Variants in PRKN observed in about 807,000 individuals in gnomAD.
The protein encoded by PRKN is E3 ubiquitin-protein ligase parkin.
Under a neutral mutation model 59.5 loss-of-function variants are expected in PRKN, and 56 were observed. The observed-to-expected ratio is 0.94, with a 90% CI of 0.76 to 1.18. The LOEUF is 1.18. Among genes scored for constraint, PRKN ranks in the 50% most tolerant of loss-of-function variants. The pLI is 0.00. For missense variants in PRKN, 657 were observed against 596.4 expected (o/e 1.10, Z -1.06); for synonymous variants, 250 against 222.1 (o/e 1.13, Z -1.12).
intron 7 of PRKN, among the ~76,000 whole-genome samples, chr6:161,765,736 A>G (rs1789397669): frequency 6.6e-6 from 1 of 152,226 alleles, no homozygotes. Context: ...GTGGCATTTC[A>G]TCCAACAAGA....
chr6:161,508,952 C>T (rs1250600956), intron 9 of PRKN, among the ~76,000 whole-genome samples: 1 of 151,984 alleles, frequency 6.6e-6, no homozygotes, highest in African/African-American at 2.4e-5. Flanking sequence ...TCAAGTGATT[C>T]TCCCGCCTCA....
chr6:162,158,289 C>T (rs942957670), intron 4 of PRKN, among the ~76,000 whole-genome samples: 2 of 152,048 alleles, frequency 1.3e-5, no homozygotes, highest in African/African-American at 4.8e-5. Flanking sequence ...ACACGCTGAG[C>T]CTCTGTCTCC....
At chr6:161,506,656 G>C (rs1033716146) in intron 9 of PRKN, among the ~76,000 whole-genome samples, 7 of 152,208 alleles carry the variant, frequency 4.6e-5, no homozygotes, top group Non-Finnish European at 7.3e-5. Flanking sequence ...CAGGTGGGTG[G>C]GGCCCAGGAG....
chr6:162,402,895 G>A (rs1427806143), intron 2 of PRKN, among the ~76,000 whole-genome samples: 3 of 151,828 alleles, frequency 2.0e-5, no homozygotes, highest in East Asian at 1.9e-4. Context: ...CTCAAGTCTC[G>A]GGCTCCCAAA....
chr6:161,775,481 T>C (rs1342414892), intron 7 of PRKN, among the ~76,000 whole-genome samples: 1 of 152,116 alleles, frequency 6.6e-6, no homozygotes, highest in Admixed American at 6.6e-5. Context: ...TAGGCTTAAG[T>C]GATTCACGTA....
At chr6:162,320,177 G>A (rs1782930705) in intron 2 of PRKN, among the ~76,000 whole-genome samples, 2 of 151,594 alleles carry the variant, frequency 1.3e-5, no homozygotes, top group Non-Finnish European at 3.0e-5. Flanking sequence ...ATTTTATTGT[G>A]TATATCTGCC....
intron 3 of PRKN, among the ~76,000 whole-genome samples, chr6:162,247,461 A>C (rs2128094171): frequency 6.6e-6 from 1 of 152,304 alleles, no homozygotes; most frequent in East Asian, 1.9e-4. Flanking sequence ...TTTGTTTATA[A>C]CACCTATGTC....
chr6:161,511,486 A>T (rs1442521524), intron 9 of PRKN, among the ~76,000 whole-genome samples: 2 of 152,340 alleles, frequency 1.3e-5, no homozygotes, highest in East Asian at 3.9e-4. Flanking sequence ...GATAAAGAAA[A>T]TAAGTATTAT....
chr6:161,911,968 A>G (rs1467207498), intron 6 of PRKN, among the ~76,000 whole-genome samples: 2 of 152,150 alleles, frequency 1.3e-5, no homozygotes, highest in African/African-American at 2.4e-5. Context: ...ACCTGAGGTC[A>G]GGAGTTCGTG....
At position 161,419,964 on chromosome 6, in the gene PRKN, C is replaced by T. The variant is rs1482646921; in HGVS notation, c.1084-33087G>A. 2.0e-5 allele frequency among the ~76,000 whole-genome samples: 3 copies of T among 151,874 alleles called. No individual in the cohort carries two copies. Among genetic ancestry groups the T allele is most frequent in the African/African-American group, 7.3e-5 (3 of 41,374 alleles). Reference sequence around the variant, plus strand: ...TGTTTAAGAACTTGATAAGGCTGGGCGTGGTGGCTCACGCCTGTAATCCCA... The same window carrying T: ...TGTTTAAGAACTTGATAAGGCTGGGTGTGGTGGCTCACGCCTGTAATCCCA... On this transcript the variant is annotated intron_variant, in intron 9 of 11. Transcript: ENST00000366898. The surrounding 1 kb of genome is among the most constrained non-coding windows in gnomAD (Gnocchi z 4.1).
At chr6:162,206,769 T>C (rs1784961045) in intron 3 of PRKN, among the ~76,000 whole-genome samples, 1 of 152,120 alleles carries the variant, frequency 6.6e-6, no homozygotes, top group South Asian at 2.1e-4. Flanking sequence ...ATCAGGATTA[T>C]TGCTACTGTA....
At chr6:161,573,419 T>C (rs1780970670) in intron 7 of PRKN, among the ~76,000 whole-genome samples, 1 of 152,042 alleles carries the variant, frequency 6.6e-6, no homozygotes, top group Non-Finnish European at 1.5e-5. Context: ...AGACATATTG[T>C]CTTAAAAATA....
At chr6:162,097,514 G>T (rs188503675) in intron 4 of PRKN, among the ~76,000 whole-genome samples, 1 of 152,300 alleles carries the variant, frequency 6.6e-6, no homozygotes, top group East Asian at 1.9e-4. Flanking sequence ...GAGAATTTCC[G>T]TAATGGTGGT....
At chr6:162,363,317 A>T (rs991348572) in intron 2 of PRKN, among the ~76,000 whole-genome samples, 1 of 151,988 alleles carries the variant, frequency 6.6e-6, no homozygotes, top group Admixed American at 6.6e-5. Flanking sequence ...CTGTAATTCA[A>T]TTTGGTTTCT....
In PRKN at chr6:161,360,792, G is replaced by T. The variant is rs116029766; in HGVS notation, c.1168-587C>A. On this transcript the variant is annotated intron_variant, in intron 10 of 11. Transcript: ENST00000366898. The surrounding 1 kb of genome is among the most constrained non-coding windows in gnomAD (Gnocchi z 5.1). ...CGATGTGCCAGAGAGGGCAGTGGGA[G>T]CTGTGAGTGAAGACTGTGGCCCTGG... Among the ~76,000 whole-genome samples the T allele has an allele frequency of 3.0e-3, 455 of 152,338 alleles. 3 individuals carry two copies. Among genetic ancestry groups the T allele is most frequent in the African/African-American group, 0.01 (427 of 41,570 alleles).
At position 161,356,971 on chromosome 6, in the gene PRKN, C is replaced by G. The variant is rs1315354492; in HGVS notation, c.1285+3117G>C. 6.6e-6 allele frequency among the ~76,000 whole-genome samples: 1 copy of G among 151,646 alleles called. No homozygotes were observed. Among genetic ancestry groups the G allele is most frequent in the Non-Finnish European group, 1.5e-5 (1 of 67,992 alleles). ...GAAGTGTCTCAGGTGTCCCCACAAGCCGACAGTAAGTGCTGAACCAAACAA... is the reference window on the plus strand; with the variant it reads ...GAAGTGTCTCAGGTGTCCCCACAAGGCGACAGTAAGTGCTGAACCAAACAA... On this transcript the variant is annotated intron_variant, in intron 11 of 11. Coordinates refer to ENST00000366898, the MANE Select transcript of PRKN (RefSeq NM_004562.3). The surrounding 1 kb of genome is among the most constrained non-coding windows in gnomAD (Gnocchi z 7.8).
chr6:162,086,211 G>T (rs1391888616), intron 4 of PRKN, among the ~76,000 whole-genome samples: 3 of 152,072 alleles, frequency 2.0e-5, no homozygotes, highest in Non-Finnish European at 4.4e-5. Context: ...ACCCTAGTTG[G>T]CACTCAACTA....
chr6:161,427,393 G>A (rs1788419815), intron 9 of PRKN, among the ~76,000 whole-genome samples: 1 of 152,076 alleles, frequency 6.6e-6, no homozygotes. Context: ...TTTCAGAGGA[G>A]GAAACTGAGG....
Position 161,467,397 on chromosome 6 carries a change from C to G in PRKN, c.1084-80520G>C, listed in dbSNP as rs1790530348. ...TATATACGTTATTAACTGATAAGTT[C>G]AGTCCAGCACACACTTACCAAGTTC... is the stretch of plus-strand genomic sequence containing the variant. On this transcript the variant is annotated intron_variant, in intron 9 of 11. Coordinates refer to ENST00000366898, the MANE Select transcript of PRKN (RefSeq NM_004562.3). The surrounding 1 kb of genome is among the most constrained non-coding windows in gnomAD (Gnocchi z 4.3). Among the ~76,000 whole-genome samples, 1 of 152,206 alleles carries G rather than the reference C, an allele frequency of 6.6e-6. No homozygotes were observed. Among genetic ancestry groups the G allele is most frequent in the South Asian group, 2.1e-4 (1 of 4,824 alleles).
Sources: gnomAD v4.1 joint callset for allele counts (sites outside exome capture counted in the v4.1 genomes callset) on GRCh38, gnomAD v4.1.1 for gene constraint, Gnocchi (gnomAD v3.1) non-coding constraint, MANE v1.5 for transcripts, NCBI Gene and HGNC (gene_info 2026-07-23, HGNC 2026-07-21) for gene names.